Variants in ERG observed in about 807,000 individuals in gnomAD.
The protein encoded by ERG is transcriptional regulator ERG.
Under a neutral mutation model 55.3 loss-of-function variants are expected in ERG, and 9 were observed. The observed-to-expected ratio is 0.16, with a 90% CI of 0.10 to 0.28. The LOEUF is 0.28. Among genes scored for constraint, ERG ranks in the 10% least tolerant of loss-of-function variants. The pLI, the probability that ERG is intolerant of heterozygous loss-of-function variation, is 1.00. For missense variants in ERG, 434 were observed against 631.6 expected, an observed-to-expected ratio of 0.69 and a Z score of 3.35; for synonymous variants, 223 against 237.3, an observed-to-expected ratio of 0.94 and a Z score of 0.55.
intron 1 of ERG, among the ~76,000 whole-genome samples, chr21:38,463,861 C>T (rs145821905): frequency 3.3e-5 from 5 of 152,302 alleles, no homozygotes; most frequent in South Asian, 2.1e-4. Flanking sequence ...TCAGTCTGCA[C>T]GTAATCCAGG....
intron 1 of ERG, among the ~76,000 whole-genome samples, chr21:38,485,577 C>T (rs566177488): frequency 2.6e-5 from 4 of 151,456 alleles, no homozygotes; most frequent in East Asian, 3.9e-4. Context: ...CTCCTCCCTC[C>T]GCCTCCCAAG....
At chr21:38,610,930 G>T (rs1254095045) in intron 1 of ERG, among the ~76,000 whole-genome samples, 1 of 152,184 alleles carries the variant, frequency 6.6e-6, no homozygotes, top group African/African-American at 2.4e-5. Flanking sequence ...GAGAAAAGAA[G>T]TTTTAGATTA....
intron 2 of ERG, among the ~76,000 whole-genome samples, chr21:38,532,986 C>T (rs542562622): frequency 6.6e-6 from 1 of 152,330 alleles, no homozygotes; most frequent in Admixed American, 6.5e-5. Flanking sequence ...AGCTCTTTTT[C>T]ACCTCTGTGT....
chr21:38,645,678 T>C (rs1383757728), intron 1 of ERG, among the ~76,000 whole-genome samples: 1 of 152,040 alleles, frequency 6.6e-6, no homozygotes, highest in African/African-American at 2.4e-5. Context: ...TGAGAAAGAG[T>C]GAGCTTTTAC....
At chr21:38,398,312 T>C (rs1012317112) in intron 6 of ERG, among the ~76,000 whole-genome samples, 2 of 149,842 alleles carry the variant, frequency 1.3e-5, no homozygotes, top group African/African-American at 4.8e-5. Context: ...GTATAACTAG[T>C]TCTTATCTCC....
intron 1 of ERG, among the ~76,000 whole-genome samples, chr21:38,456,408 A>C (rs1415730506): frequency 1.3e-5 from 2 of 152,242 alleles, no homozygotes; most frequent in African/African-American, 4.8e-5. Flanking sequence ...TCTGTTCTAC[A>C]CATAAAGCAC....
chr21:38,575,680 G>T, exon 2 of ERG: 1 of 1,613,890 alleles, frequency 6.2e-7, no homozygotes, highest in Non-Finnish European at 8.5e-7. Flanking sequence ...GAGCTGCTGG[G>T]TCCGGGACAG....
intron 2 of ERG, among the ~76,000 whole-genome samples, chr21:38,504,118 A>T (rs1309004137): frequency 6.6e-6 from 1 of 152,210 alleles, no homozygotes; most frequent in Non-Finnish European, 1.5e-5. Flanking sequence ...CCATTGTTTC[A>T]ACACTTTCTC....
intron 1 of ERG, among the ~76,000 whole-genome samples, chr21:38,469,002 G>GAAAAAAAAAAAAA (rs796522125): frequency 3.2e-5 from 2 of 62,098 alleles, no homozygotes; most frequent in Non-Finnish European, 7.8e-5. Context: ...AAAAAAAAAA[G>GAAAAAAAAAAAAA]AAAAAAAAAA....
At chr21:38,529,479 A>C (rs1204214376) in intron 2 of ERG, among the ~76,000 whole-genome samples, 2 of 152,158 alleles carry the variant, frequency 1.3e-5, no homozygotes, top group Non-Finnish European at 2.9e-5. Flanking sequence ...GGGCTTAAAC[A>C]AACCCCTGAG....
chr21:38,525,208 G>C (rs1286912875), intron 2 of ERG, among the ~76,000 whole-genome samples: 4 of 152,110 alleles, frequency 2.6e-5, no homozygotes, highest in Non-Finnish European at 5.9e-5. Flanking sequence ...CTCCCTACTG[G>C]TGTGGTGTGA....
intron 1 of ERG, among the ~76,000 whole-genome samples, chr21:38,593,206 C>T (rs543968171): frequency 6.6e-6 from 1 of 152,126 alleles, no homozygotes; most frequent in Non-Finnish European, 1.5e-5. Context: ...TGCCTGGGGC[C>T]CCCCTGTAAA....
chr21:38,648,599 G>C (rs1489005097), intron 1 of ERG, among the ~76,000 whole-genome samples: 9 of 152,204 alleles, frequency 5.9e-5, no homozygotes, highest in Admixed American at 5.9e-4. Flanking sequence ...CGTGCTCATC[G>C]CATCTCCCAC....
intron 5 of ERG, among the ~76,000 whole-genome samples, chr21:38,401,256 G>A (rs1000446298): frequency 6.6e-6 from 1 of 152,078 alleles, no homozygotes; most frequent in Non-Finnish European, 1.5e-5. Context: ...AATATATTTG[G>A]AGCTTTTTTG....
intron 1 of ERG, among the ~76,000 whole-genome samples, chr21:38,486,959 C>T (rs1224462005): frequency 6.6e-6 from 1 of 152,166 alleles, no homozygotes; most frequent in Non-Finnish European, 1.5e-5. Flanking sequence ...ATTATCATGA[C>T]TGACTCTCTT....
intron 2 of ERG, among the ~76,000 whole-genome samples, chr21:38,441,062 C>T (rs1391821334): frequency 2.0e-5 from 3 of 152,182 alleles, no homozygotes; most frequent in Admixed American, 6.5e-5. Context: ...TGACCTGACA[C>T]GCCACCCCCT....
At chr21:38,478,764 T>A (rs2059211596) in intron 1 of ERG, among the ~76,000 whole-genome samples, 1 of 152,186 alleles carries the variant, frequency 6.6e-6, no homozygotes, top group African/African-American at 2.4e-5. Context: ...GACAATAATA[T>A]TAGTATAGGA....
At chr21:38,529,523 G>A (rs1421843165) in intron 2 of ERG, among the ~76,000 whole-genome samples, 1 of 152,188 alleles carries the variant, frequency 6.6e-6, no homozygotes, top group Non-Finnish European at 1.5e-5. Context: ...ACTAAGATGG[G>A]TAATGCTAGG....
chr21:38,659,921 A>G (rs559935939), intron 1 of ERG, among the ~76,000 whole-genome samples: 1 of 152,164 alleles, frequency 6.6e-6, no homozygotes, highest in South Asian at 2.1e-4. Context: ...TACAGACTAT[A>G]TTTTTTTTAA....
Sources: allele counts gnomAD v4.1 joint callset (sites outside exome capture counted in the v4.1 genomes callset), GRCh38; gene constraint gnomAD v4.1.1; transcripts MANE v1.5; gene names NCBI Gene and HGNC (gene_info 2026-07-23, HGNC 2026-07-21).